ZCWPW2: variants seen among roughly 807,000 people sequenced by gnomAD.
ZCWPW2 encodes zinc finger CW-type and PWWP domain containing 2.
Under a neutral mutation model 46.6 loss-of-function variants are expected in ZCWPW2, and 45 were observed. The ratio of observed to expected loss-of-function variants is 0.96; its 90% CI spans 0.76 to 1.24. The LOEUF (loss-of-function observed/expected upper bound fraction) is 1.24, where lower values mean the gene tolerates loss of function less well. Ranked by LOEUF, ZCWPW2 falls within the 50% of genes most tolerant of loss-of-function variation. The probability of loss-of-function intolerance (pLI) is 0.00; values close to 1 mark genes in which losing one functional copy is unlikely to be tolerated. For missense variants in ZCWPW2, 429 were observed against 403.9 expected, an observed-to-expected ratio of 1.06 and a Z score of -0.53; for synonymous variants, 152 against 137.1, an observed-to-expected ratio of 1.11 and a Z score of -0.76.
chr3:28,396,688 C>G (rs921881565), intron 2 of ZCWPW2, among the ~76,000 whole-genome samples: 2 of 152,170 alleles, frequency 1.3e-5, no homozygotes, highest in African/African-American at 4.8e-5. Context: ...TTCCTATAAC[C>G]AAAGTATTGT....
At chr3:28,467,889 A>G (rs140330937) in intron 4 of ZCWPW2, among the ~76,000 whole-genome samples, 298 of 152,280 alleles carry the variant, frequency 2.0e-3, no homozygotes, top group African/African-American at 6.7e-3. Flanking sequence ...ACTACAATAA[A>G]TACCTAACTC....
intron 4 of ZCWPW2, among the ~76,000 whole-genome samples, chr3:28,471,593 A>G (rs751383269): frequency 1.3e-5 from 2 of 152,206 alleles, no homozygotes; most frequent in Non-Finnish European, 2.9e-5. Flanking sequence ...TAGAAGGAAC[A>G]TACCTCAATA....
At chr3:28,353,495 C>A (rs1704627700) in intron 1 of ZCWPW2, among the ~76,000 whole-genome samples, 2 of 152,106 alleles carry the variant, frequency 1.3e-5, no homozygotes, top group Admixed American at 1.3e-4. Context: ...ATGTAATTTT[C>A]AAAAAGATGC....
chr3:28,361,765 T>G (rs1575046894), intron 1 of ZCWPW2, among the ~76,000 whole-genome samples: 2 of 152,292 alleles, frequency 1.3e-5, no homozygotes, highest in South Asian at 4.1e-4. Flanking sequence ...CAAGGTTATA[T>G]GAAAAGATAC....
intron 4 of ZCWPW2, among the ~76,000 whole-genome samples, chr3:28,475,811 A>G (rs1267923643): frequency 6.6e-6 from 1 of 151,996 alleles, no homozygotes; most frequent in Non-Finnish European, 1.5e-5. Context: ...CACCTTTTTG[A>G]TGAGAGTTAC....
At chr3:28,461,403 G>A (rs1377156193) in intron 4 of ZCWPW2, 8 of 151,906 alleles carry the variant, frequency 5.3e-5, no homozygotes, top group Admixed American at 1.3e-4. Flanking sequence ...AATACTAGAG[G>A]ATAAATCAGT....
intron 4 of ZCWPW2, chr3:28,448,211 CA>C (rs1232774522): frequency 6.3e-6 from 1 of 157,832 alleles, no homozygotes; most frequent in African/African-American, 2.4e-5. Flanking sequence ...AAAGATTCCA[CA>C]AAAAAATTAG....
At chr3:28,352,166 A>AG (rs1704579128) in intron 1 of ZCWPW2, among the ~76,000 whole-genome samples, 1 of 101,080 alleles carries the variant, frequency 9.9e-6, no homozygotes, top group African/African-American at 3.3e-5. Context: ...ACACACACAC[A>AG]CGAGAGAGAA....
rs544974026 is a variant in ZCWPW2 at position 28,510,369 on chromosome 3, C to T, written c.658-3695C>T. On this transcript the variant is annotated intron_variant, in intron 6 of 9. Transcript: ENST00000383768. ...ATGGAATAACGTCGCAGTGACAGTG[C>T]GATAATTCCAACGTAGTCCTTAAGA... 3.3e-5 allele frequency among the ~76,000 whole-genome samples: 5 copies of T among 152,224 alleles called. No homozygotes were observed. The South Asian group carries it at 6.2e-4, about 19-fold the overall frequency.
At chr3:28,401,166 A>G (rs1193220141) in intron 2 of ZCWPW2, among the ~76,000 whole-genome samples, 4 of 152,036 alleles carry the variant, frequency 2.6e-5, no homozygotes, top group African/African-American at 9.6e-5. Flanking sequence ...GCGACGAGCA[A>G]GACTCCATCT....
At chr3:28,445,272 C>G (rs1697944077) in intron 4 of ZCWPW2, among the ~76,000 whole-genome samples, 1 of 151,590 alleles carries the variant, frequency 6.6e-6, no homozygotes. Context: ...AGTCTAAAAG[C>G]TAGTATATGT....
intron 3 of ZCWPW2, among the ~76,000 whole-genome samples, chr3:28,419,825 C>CA (rs1404221665): frequency 1.1e-5 from 1 of 87,822 alleles, no homozygotes; most frequent in Non-Finnish European, 2.2e-5. Context: ...TTCGCAAGGA[C>CA]AAAAAACCAA....
Position 28,390,610 on chromosome 3 carries a change from C to T in ZCWPW2, c.-21C>T. 1.0e-6 allele frequency: 1 copy of T among 985,304 alleles called. No homozygotes were observed. The highest frequency in any genetic ancestry group is 1.2e-6 in the Non-Finnish European group (1 of 829,902). The allele number at this position is 985,304 out of a possible 1,614,324, so 61.0% of individuals were successfully genotyped here. ...ATTTTGCTAGGAACAAAAGAAAAGT[C>T]TAACTCCGTAAGTACTTGAGAAACT... is the stretch of plus-strand genomic sequence containing the variant. On this transcript the variant is annotated 5_prime_UTR_variant, in exon 2 of 10. Transcript: ENST00000383768.
intron 5 of ZCWPW2, among the ~76,000 whole-genome samples, chr3:28,485,460 A>G (rs1699569049): frequency 6.6e-6 from 1 of 151,980 alleles, no homozygotes; most frequent in Non-Finnish European, 1.5e-5. Context: ...TTTTTGCTGG[A>G]TTTGTTCATT....
At chr3:28,467,570 T>G (rs1698874083) in intron 4 of ZCWPW2, among the ~76,000 whole-genome samples, 1 of 152,206 alleles carries the variant, frequency 6.6e-6, no homozygotes. Flanking sequence ...CAGATCTGAC[T>G]CAGTGCATTC....
At chr3:28,447,216 A>G (rs1698028034) in intron 4 of ZCWPW2, among the ~76,000 whole-genome samples, 2 of 152,180 alleles carry the variant, frequency 1.3e-5, no homozygotes, top group Admixed American at 1.3e-4. Context: ...AAAGAAAAGT[A>G]TAGGCCAGTA....
chr3:28,490,784 C>T (rs1308243761), intron 5 of ZCWPW2, among the ~76,000 whole-genome samples: 1 of 151,984 alleles, frequency 6.6e-6, no homozygotes, highest in East Asian at 1.9e-4. Context: ...ATAATTATTA[C>T]CCCTGGTTTA....
chr3:28,390,010 A>G (rs1038404589), intron 1 of ZCWPW2, among the ~76,000 whole-genome samples: 10 of 152,218 alleles, frequency 6.6e-5, no homozygotes, highest in African/African-American at 2.4e-4. Context: ...AATATCCAGA[A>G]TAATGTTTGG....
At chr3:28,482,071 A>G (rs1375453592) in intron 5 of ZCWPW2, among the ~76,000 whole-genome samples, 1 of 152,222 alleles carries the variant, frequency 6.6e-6, no homozygotes, top group Non-Finnish European at 1.5e-5. Flanking sequence ...GGAGAAATGT[A>G]TAATGACCTG....
Sources: allele counts gnomAD v4.1 joint callset (sites outside exome capture counted in the v4.1 genomes callset), GRCh38; gene constraint gnomAD v4.1.1; transcripts MANE v1.5; gene names NCBI Gene and HGNC (gene_info 2026-07-23, HGNC 2026-07-21).